Variants in SH3RF2 observed in about 807,000 individuals in gnomAD.
The protein encoded by SH3RF2 is SH3 domain containing ring finger 2, also known as E3 ubiquitin-protein ligase SH3RF2.
Under a neutral mutation model 59.0 loss-of-function variants are expected in SH3RF2, and 43 were observed. That is an observed-to-expected ratio of 0.73 (90% CI 0.57 to 0.94). SH3RF2 has a LOEUF of 0.94. Among genes scored for constraint, SH3RF2 ranks in the 40% least tolerant of loss-of-function variants. The pLI is 0.00. For synonymous variants in SH3RF2, 391 were observed against 391.5 expected (o/e 1.00, Z 0.01); for missense variants, 930 against 940.1 (o/e 0.99, Z 0.14).
Position 145,937,789 on chromosome 5 carries a change from A to AT in SH3RF2, c.-106-25dup, listed in dbSNP as rs545039473. 3.0e-3 allele frequency: 2,907 copies of AT among 954,760 alleles called. 2 individuals carry two copies. Among genetic ancestry groups the AT allele is most frequent in the Non-Finnish European group, 3.9e-3 (2,541 of 644,382 alleles). The allele number at this position is 954,760 out of a possible 1,614,324, so 59.1% of individuals were successfully genotyped here. ...GGGATATACCTCTCGGAGCAGTCAC[A>AT]TTTTTTTTTCTCTCCTCTCCCTCCT... On this transcript the variant is annotated intron_variant, in intron 1 of 9. Transcript: ENST00000359120.
At position 146,016,190 on chromosome 5, in the gene SH3RF2, T is replaced by C. The variant is rs550648560; in HGVS notation, c.1059+2129T>C. ...AATTTCCTAAAGAAAGATTACAGATTAGTGTAAATCTTCCAGCCAATAAAC... is the reference window on the plus strand; with the variant it reads ...AATTTCCTAAAGAAAGATTACAGATCAGTGTAAATCTTCCAGCCAATAAAC... On this transcript the variant is annotated intron_variant, in intron 5 of 9. Coordinates refer to ENST00000359120, the MANE Select transcript of SH3RF2 (RefSeq NM_152550.4). Among the ~76,000 whole-genome samples the C allele has an allele frequency of 6.6e-5, 10 of 152,294 alleles. No homozygotes were observed. The South Asian group carries it at 2.1e-3, about 32-fold the overall frequency.
chr5:146,070,725 TC>T (rs774074845), intron 9 of SH3RF2, among the ~76,000 whole-genome samples: 1 of 152,188 alleles, frequency 6.6e-6, no homozygotes, highest in African/African-American at 2.4e-5. Context: ...GACATCTTCT[TC>T]CAGTGTTCCT....
At chr5:146,054,546 CCT>C (rs1378291282) in intron 7 of SH3RF2, among the ~76,000 whole-genome samples, 1 of 152,184 alleles carries the variant, frequency 6.6e-6, no homozygotes, top group African/African-American at 2.4e-5. Context: ...TATAGTCTGA[CCT>C]CTCTCTAATG....
chr5:146,047,313 A>G (rs1017274626), intron 5 of SH3RF2, among the ~76,000 whole-genome samples: 4 of 152,180 alleles, frequency 2.6e-5, no homozygotes, highest in Admixed American at 1.3e-4. Flanking sequence ...TATGGGGATT[A>G]TAACAATTCC....
intron 2 of SH3RF2, among the ~76,000 whole-genome samples, chr5:145,994,440 A>G (rs964108940): frequency 6.6e-6 from 1 of 152,222 alleles, no homozygotes; most frequent in African/African-American, 2.4e-5. Context: ...ACTGATAAAG[A>G]CATGCCTGAG....
At chr5:146,064,693 A>G (rs1366327034), downstream of SH3RF2, among the ~76,000 whole-genome samples, 134 of 6,190 alleles carry the variant, frequency 0.022, 27 homozygotes, top group African/African-American at 0.048. Flanking sequence ...AAAGAAAGAA[A>G]GAAAGAAAGA....
intron 2 of SH3RF2, among the ~76,000 whole-genome samples, chr5:145,950,623 A>C (rs1165623330): frequency 6.6e-6 from 1 of 152,168 alleles, no homozygotes; most frequent in Non-Finnish European, 1.5e-5. Flanking sequence ...TCTGGACAAT[A>C]GAAATAAAAA....
intron 2 of SH3RF2, among the ~76,000 whole-genome samples, chr5:145,973,265 C>A (rs78636237): frequency 1.3e-4 from 20 of 152,160 alleles, no homozygotes; most frequent in African/African-American, 4.6e-4. Context: ...TGGCAATGAC[C>A]CTTAAGCCAA....
chr5:145,969,018 A>G (rs1444782907), intron 2 of SH3RF2, among the ~76,000 whole-genome samples: 1 of 152,228 alleles, frequency 6.6e-6, no homozygotes, highest in East Asian at 1.9e-4. Flanking sequence ...ACTCTTAGGA[A>G]CAACCTGTAA....
intron 9 of SH3RF2, among the ~76,000 whole-genome samples, chr5:146,071,379 C>T (rs2962542): frequency 0.98 from 148,557 of 152,350 alleles, 72,539 homozygotes; most frequent in Middle Eastern, 1. Flanking sequence ...CTAGCCTCCA[C>T]GACAAGGAAC....
At chr5:145,948,560 A>C (rs1289886669) in intron 2 of SH3RF2, among the ~76,000 whole-genome samples, 1 of 152,242 alleles carries the variant, frequency 6.6e-6, no homozygotes, top group African/African-American at 2.4e-5. Flanking sequence ...GCCTGGAGAC[A>C]GGAGAAATAA....
intron 9 of SH3RF2, among the ~76,000 whole-genome samples, chr5:146,071,388 A>T (rs1297811020): frequency 6.6e-6 from 1 of 152,238 alleles, no homozygotes; most frequent in East Asian, 1.9e-4. Context: ...ACGACAAGGA[A>T]CAACAGTCAA....
At chr5:145,980,612 G>A (rs558998863) in intron 2 of SH3RF2, among the ~76,000 whole-genome samples, 1 of 152,188 alleles carries the variant, frequency 6.6e-6, no homozygotes, top group Non-Finnish European at 1.5e-5. Flanking sequence ...CTAAAACTAG[G>A]ATTTTTAGGA....
intron 2 of SH3RF2, among the ~76,000 whole-genome samples, chr5:145,950,712 T>C (rs1041327598): frequency 6.6e-6 from 1 of 152,056 alleles, no homozygotes; most frequent in African/African-American, 2.4e-5. Flanking sequence ...GGAAGAGAGA[T>C]TTTATCTCGA....
intron 5 of SH3RF2, among the ~76,000 whole-genome samples, chr5:146,033,028 C>T (rs901939965): frequency 2.0e-5 from 3 of 152,268 alleles, no homozygotes; most frequent in Admixed American, 6.5e-5. Flanking sequence ...CATGTAGGTT[C>T]GAATCCCAGC....
intron 9 of SH3RF2, among the ~76,000 whole-genome samples, chr5:146,071,634 T>C (rs191654761): frequency 7.9e-5 from 12 of 152,312 alleles, no homozygotes; most frequent in Admixed American, 2.0e-4. Context: ...CACTAGAATG[T>C]CACAAGATCT....
downstream of SH3RF2, among the ~76,000 whole-genome samples, chr5:146,066,477 T>C (rs2962530): frequency 0.97 from 147,982 of 152,266 alleles, 72,046 homozygotes; most frequent in East Asian, 1. Flanking sequence ...GAACACCTAA[T>C]AAATTTTAGA....
At chr5:145,951,229 G>T (rs762904051) in intron 2 of SH3RF2, among the ~76,000 whole-genome samples, 4 of 152,110 alleles carry the variant, frequency 2.6e-5, no homozygotes, top group Non-Finnish European at 5.9e-5. Context: ...TAAGAGGCTC[G>T]GGAGTACTTT....
At chr5:145,944,564 CA>C (rs1757942676) in intron 2 of SH3RF2, among the ~76,000 whole-genome samples, 1 of 152,106 alleles carries the variant, frequency 6.6e-6, no homozygotes, top group African/African-American at 2.4e-5. Context: ...ACCAGCCTTT[CA>C]CATGGTGAAT....
Sources: allele counts gnomAD v4.1 joint callset (sites outside exome capture counted in the v4.1 genomes callset), GRCh38; gene constraint gnomAD v4.1.1; transcripts MANE v1.5; gene names NCBI Gene and HGNC (gene_info 2026-07-23, HGNC 2026-07-21).